CD99L2: variants seen among roughly 807,000 people sequenced by gnomAD.
CD99L2 encodes CD99 molecule like 2.
A neutral mutation model predicts 27.3 loss-of-function variants in CD99L2; 24 were observed. The observed-to-expected ratio is 0.88, with a 90% CI of 0.64 to 1.24. The LOEUF is 1.24. CD99L2 is among the 50% of genes most tolerant of loss of function. The pLI, the probability that CD99L2 is intolerant of heterozygous loss-of-function variation, is 0.00. For synonymous variants in CD99L2, 97 were observed against 87.9 expected (o/e 1.10, Z -0.58); for missense variants, 255 against 221.6 (o/e 1.15, Z -0.96).
intron 4 of CD99L2, among the ~76,000 whole-genome samples, chrX:150,805,182 C>T (rs782303272): frequency 9.9e-5 from 11 of 110,930 alleles, no homozygotes; most frequent in Admixed American, 2.9e-4. Flanking sequence ...AGCGAGACTC[C>T]GACTCAAAAC....
chrX:150,852,820 T>G (rs1382992040), intron 1 of CD99L2, among the ~76,000 whole-genome samples: 1 of 111,904 alleles, frequency 8.9e-6, no homozygotes, highest in East Asian at 2.8e-4. Context: ...AAAAGTCCAC[T>G]GAATGAGTAG....
At chrX:150,793,038 A>G (rs1365786668) in intron 7 of CD99L2, among the ~76,000 whole-genome samples, 2 of 111,782 alleles carry the variant, frequency 1.8e-5, no homozygotes, top group East Asian at 5.6e-4. Context: ...ATAACATTTT[A>G]TAGACCTACC....
intron 4 of CD99L2, among the ~76,000 whole-genome samples, chrX:150,814,198 C>T (rs1010732658): frequency 8.9e-5 from 10 of 112,426 alleles, no homozygotes; most frequent in Non-Finnish European, 1.9e-5. Flanking sequence ...GACAGTCCCA[C>T]GGAACCAAGT....
intron 1 of CD99L2, among the ~76,000 whole-genome samples, chrX:150,866,924 T>G (rs2047070276): frequency 9.1e-6 from 1 of 110,282 alleles, no homozygotes; most frequent in Non-Finnish European, 1.9e-5. Context: ...AATTTTTCTA[T>G]AAATCCAAAA....
chrX:150,769,670 TCCCTGCCTGCGC>T lies in CD99L2; in HGVS notation c.722-581_722-570del, dbSNP rs2043386306. Among the ~76,000 whole-genome samples the T allele has an allele frequency of 2.8e-5, 3 of 105,516 alleles. No homozygotes were observed. In the South Asian group the frequency reaches 1.2e-3, roughly 41 times the overall value. 91.6% of individuals were successfully genotyped at this position (105,516 alleles called of 115,157 possible). A position where few individuals can be genotyped will look rare whatever the true frequency, so the allele number is the denominator to read the frequency against. On this transcript the variant is annotated intron_variant, in intron 10 of 10. Transcript: ENST00000370377. ...AACACTCGCCTGAGCTGTCCTAGTC[TCCCTGCCTGCGC>T]CACCAGGCCTCGGCTGCTCCCCGAC...
intron 4 of CD99L2, among the ~76,000 whole-genome samples, chrX:150,805,336 G>T (rs782349230): frequency 9.0e-6 from 1 of 111,562 alleles, no homozygotes; most frequent in African/African-American, 3.3e-5. Context: ...GGGGAGTAGG[G>T]AGATGCTAGT....
intron 4 of CD99L2, among the ~76,000 whole-genome samples, chrX:150,800,723 G>A (rs1474020734): frequency 1.8e-5 from 2 of 111,206 alleles, no homozygotes; most frequent in African/African-American, 6.5e-5. Context: ...GATTTTATAT[G>A]TATACTTACC....
At chrX:150,794,830 G>C (rs1237268669) in intron 6 of CD99L2, among the ~76,000 whole-genome samples, 6 of 112,341 alleles carry the variant, frequency 5.3e-5, no homozygotes, top group Non-Finnish European at 1.1e-4. Flanking sequence ...CCAGACATGA[G>C]AGAAATCTGC....
intron 7 of CD99L2, among the ~76,000 whole-genome samples, chrX:150,784,451 C>G (rs2045563384): frequency 9.0e-6 from 1 of 111,710 alleles, no homozygotes; most frequent in Non-Finnish European, 1.9e-5. Flanking sequence ...ACTTCTCTCC[C>G]TTTTCCCTTC....
intron 9 of CD99L2, among the ~76,000 whole-genome samples, 162 bp downstream of exon 9, chrX:150,776,012 C>T (rs1184324566): frequency 1.8e-5 from 2 of 112,079 alleles, no homozygotes; most frequent in Non-Finnish European, 3.8e-5. Context: ...CCAGATCTGT[C>T]CCCAGGGATT....
chrX:150,795,944 A>G (rs2045790000), intron 4 of CD99L2, among the ~76,000 whole-genome samples: 1 of 112,705 alleles, frequency 8.9e-6, no homozygotes, highest in African/African-American at 3.2e-5. Flanking sequence ...TACAACACAC[A>G]CATATATAAT....
At chrX:150,852,654 T>C (rs2124297608) in intron 1 of CD99L2, among the ~76,000 whole-genome samples, 1 of 110,435 alleles carries the variant, frequency 9.1e-6, no homozygotes, top group South Asian at 3.9e-4. Context: ...ACTAATCTCC[T>C]TTCTGTCTCT....
At chrX:150,858,733 C>T (rs1326096145) in intron 1 of CD99L2, among the ~76,000 whole-genome samples, 1 of 111,507 alleles carries the variant, frequency 9.0e-6, no homozygotes, top group Non-Finnish European at 1.9e-5. Flanking sequence ...GCAATAAACA[C>T]CTACATCAAA....
At chrX:150,769,946 A>T (rs1285910230) in intron 10 of CD99L2, among the ~76,000 whole-genome samples, 1 of 113,142 alleles carries the variant, frequency 8.8e-6, no homozygotes, top group Non-Finnish European at 1.9e-5. Flanking sequence ...TGCAAAGGGA[A>T]AAGTTCTAGG....
At chrX:150,890,428 G>A (rs910783539) in intron 1 of CD99L2, among the ~76,000 whole-genome samples, 5 of 111,843 alleles carry the variant, frequency 4.5e-5, no homozygotes, top group African/African-American at 1.6e-4. Flanking sequence ...GCAGTGAGTC[G>A]AGATTGCGCC....
chrX:150,838,014 C>G (rs1210378562), intron 1 of CD99L2, among the ~76,000 whole-genome samples: 2 of 112,411 alleles, frequency 1.8e-5, no homozygotes, highest in Non-Finnish European at 3.8e-5. Flanking sequence ...TCAACATGTA[C>G]AATGATGAGT....
intron 1 of CD99L2, among the ~76,000 whole-genome samples, chrX:150,845,002 G>C (rs1349903681): frequency 3.6e-5 from 4 of 112,283 alleles, no homozygotes; most frequent in Non-Finnish European, 5.6e-5. Flanking sequence ...GTATGTAGCA[G>C]GTTGCTTAAT....
At chrX:150,824,574 G>GAGA in intron 2 of CD99L2, among the ~76,000 whole-genome samples, 1 of 99,957 alleles carries the variant, frequency 1.0e-5, no homozygotes, top group African/African-American at 3.7e-5. Flanking sequence ...GGAGGAGGAG[G>GAGA]AGGAGGAGAA....
chrX:150,862,587 T>G (rs924912311), intron 1 of CD99L2, among the ~76,000 whole-genome samples: 1 of 112,110 alleles, frequency 8.9e-6, no homozygotes, highest in South Asian at 3.7e-4. Context: ...CAAGCGAATA[T>G]ATGGGTGTTG....
Sources: gnomAD v4.1 joint callset for allele counts (sites outside exome capture counted in the v4.1 genomes callset) on GRCh38, gnomAD v4.1.1 for gene constraint, MANE v1.5 for transcripts, NCBI Gene and HGNC (gene_info 2026-07-23, HGNC 2026-07-21) for gene names.